SLC25A48: variants seen among roughly 807,000 people sequenced by gnomAD.
SLC25A48 encodes CTC-321K16.1.
Under a neutral mutation model 32.2 loss-of-function variants are expected in SLC25A48, and 29 were observed. The ratio of observed to expected loss-of-function variants is 0.90; its 90% CI spans 0.67 to 1.23. The LOEUF is 1.23. Among genes scored for constraint, SLC25A48 ranks in the 50% most tolerant of loss-of-function variants. The pLI is 0.00. For synonymous variants in SLC25A48, 164 were observed against 172.3 expected (o/e 0.95, Z 0.38); for missense variants, 399 against 422.7 (o/e 0.94, Z 0.49).
intron 2 of SLC25A48, among the ~76,000 whole-genome samples, chr5:135,849,176 A>G (rs1262731066): frequency 6.6e-6 from 1 of 152,078 alleles, no homozygotes; most frequent in African/African-American, 2.4e-5. Flanking sequence ...AACTATATGT[A>G]CTCTTCCAGG....
intron 4 of SLC25A48, among the ~76,000 whole-genome samples, chr5:135,857,794 G>C (rs1760456030): frequency 6.6e-6 from 1 of 152,216 alleles, no homozygotes; most frequent in African/African-American, 2.4e-5. Context: ...TGCCCAGGTA[G>C]TGCTGAGGGC....
Position 135,879,478 on chromosome 5 carries a change from C to T in SLC25A48, c.814-490C>T, listed in dbSNP as rs1762281581. ...CATGTCTGCAGAGTCTTAAGCACAG[C>T]TCGAGTTCTGTTCTCTGCCACTTTT... On this transcript the variant is annotated intron_variant, in intron 6 of 7. Coordinates refer to ENST00000681962, the MANE Select transcript of SLC25A48 (RefSeq NM_001349336.2). Among the ~76,000 whole-genome samples the T allele has an allele frequency of 2.0e-5, 3 of 152,058 alleles. No homozygotes were observed. The South Asian group carries it at 6.2e-4, about 32-fold the overall frequency.
rs775091968 is a variant in SLC25A48 at position 135,879,611 on chromosome 5, A to AGTGT, written c.814-328_814-325dup. ...GAGAGAGAGAGAGAGAGAGAGAGAG[A>AGTGT]GTGTGTGTGTGTGTGTGTGTGTGTG... is the stretch of plus-strand genomic sequence containing the variant. On this transcript the variant is annotated intron_variant, in intron 6 of 7. Transcript: ENST00000681962. 3.6e-3 allele frequency among the ~76,000 whole-genome samples: 434 copies of AGTGT among 119,492 alleles called. 7 individuals are homozygous for AGTGT. The highest frequency in any genetic ancestry group is 0.024 in the Admixed American group (283 of 11,832). 78.4% of individuals were successfully genotyped at this position (119,492 alleles called of 152,430 possible).
At chr5:135,592,819 A>G (rs1297257774) in intron 1 of SLC25A48, among the ~76,000 whole-genome samples, 1 of 152,200 alleles carries the variant, frequency 6.6e-6, no homozygotes, top group Non-Finnish European at 1.5e-5. Context: ...AAGAACAGAC[A>G]TCTGTGGCTT....
chr5:135,663,350 C>A (rs1454096050), intron 3 of SLC25A48, among the ~76,000 whole-genome samples: 1 of 152,136 alleles, frequency 6.6e-6, no homozygotes, highest in East Asian at 1.9e-4. Flanking sequence ...GTTGAGGGAG[C>A]CGTTTTGTGT....
At chr5:135,811,479 T>C (rs559481647) in intron 3 of SLC25A48, among the ~76,000 whole-genome samples, 2 of 152,298 alleles carry the variant, frequency 1.3e-5, no homozygotes, top group South Asian at 4.2e-4. Flanking sequence ...GAGGAATAAG[T>C]TCCAGAGATC....
chr5:135,732,372 C>A (rs1353383862), intron 3 of SLC25A48, among the ~76,000 whole-genome samples: 1 of 152,128 alleles, frequency 6.6e-6, no homozygotes, highest in African/African-American at 2.4e-5. Context: ...ACCACGGTGG[C>A]CTTCTGAGGC....
At chr5:135,660,089 T>G (rs1266698494) in intron 3 of SLC25A48, among the ~76,000 whole-genome samples, 3 of 152,214 alleles carry the variant, frequency 2.0e-5, no homozygotes, top group African/African-American at 7.2e-5. Flanking sequence ...TACATAAAAA[T>G]TGGCTCATCT....
chr5:135,663,697 C>A (rs1753457713), intron 3 of SLC25A48, among the ~76,000 whole-genome samples: 1 of 152,216 alleles, frequency 6.6e-6, no homozygotes, highest in African/African-American at 2.4e-5. Flanking sequence ...TTTCTGTGGG[C>A]TACTCTTGTG....
At chr5:135,795,262 C>T (rs1484192466) in intron 3 of SLC25A48, among the ~76,000 whole-genome samples, 1 of 151,790 alleles carries the variant, frequency 6.6e-6, no homozygotes, top group Non-Finnish European at 1.5e-5. Context: ...GTGTACACCC[C>T]ACCTTGTGAT....
At chr5:135,590,243 C>A (rs1219118822) in intron 1 of SLC25A48, among the ~76,000 whole-genome samples, 1 of 152,190 alleles carries the variant, frequency 6.6e-6, no homozygotes, top group Admixed American at 6.5e-5. Context: ...TGAACTGACT[C>A]CCAGGGAACT....
chr5:135,627,170 G>A (rs145363762), intron 1 of SLC25A48, among the ~76,000 whole-genome samples: 2 of 152,172 alleles, frequency 1.3e-5, no homozygotes. Flanking sequence ...GCCCCATGGG[G>A]TGGCTGACTG....
In SLC25A48 at chr5:135,874,791, T is replaced by C. The variant is rs140186227; in HGVS notation, c.813+637T>C. 4,693 of 658,158 alleles carry C rather than the reference T, an allele frequency of 7.1e-3. 27 individuals carry two copies. The highest frequency in any genetic ancestry group is 0.023 in the Middle Eastern group (96 of 4,170). 40.8% of individuals were successfully genotyped at this position (658,158 alleles called of 1,614,324 possible). ...TGCCCCAGGATAGACCAGACTTCCATGTCTGGTGTCCAAGGTAATACACAG... is the reference window on the plus strand; with the variant it reads ...TGCCCCAGGATAGACCAGACTTCCACGTCTGGTGTCCAAGGTAATACACAG... On this transcript the variant is annotated intron_variant, in intron 6 of 7. Coordinates refer to ENST00000681962, the MANE Select transcript of SLC25A48 (RefSeq NM_001349336.2).
chr5:135,749,066 C>G lies in SLC25A48; in HGVS notation c.-520-63457C>G, dbSNP rs182617325. ...CCATTTTGTTCTTCCTTCCTGATGT[C>G]CCTTAAGACATTTCCTGGCGGGCTC... On this transcript the variant is annotated intron_variant, in intron 3 of 10. Transcript: ENST00000646290. 2.8e-3 allele frequency among the ~76,000 whole-genome samples: 433 copies of G among 152,166 alleles called. 2 individuals carry two copies. The highest frequency in any genetic ancestry group is 4.2e-3 in the Non-Finnish European group (287 of 68,002).
intron 3 of SLC25A48, among the ~76,000 whole-genome samples, chr5:135,666,202 C>T (rs1046656654): frequency 4.6e-5 from 7 of 152,218 alleles, no homozygotes; most frequent in African/African-American, 1.7e-4. Context: ...AACTTCACGT[C>T]TCAGTGTCCC....
chr5:135,756,826 T>G (rs1187352192), intron 3 of SLC25A48, among the ~76,000 whole-genome samples: 1 of 151,776 alleles, frequency 6.6e-6, no homozygotes, highest in African/African-American at 2.4e-5. Flanking sequence ...TAGATGATAT[T>G]TATAATATCT....
chr5:135,586,705 G>A (rs1271389042), intron 1 of SLC25A48, among the ~76,000 whole-genome samples: 1 of 152,214 alleles, frequency 6.6e-6, no homozygotes, highest in Non-Finnish European at 1.5e-5. Context: ...GATGGGGAAG[G>A]TCAAGGAAAC....
intron 5 of SLC25A48, 114 bp downstream of exon 5, chr5:135,871,832 T>A (rs1174813388): frequency 6.5e-7 from 1 of 1,543,102 alleles, no homozygotes; most frequent in African/African-American, 1.4e-5. Context: ...ATTTAGGTAC[T>A]CACCCAACAA....
intron 3 of SLC25A48, among the ~76,000 whole-genome samples, chr5:135,767,629 G>T (rs939729266): frequency 6.7e-5 from 10 of 150,268 alleles, no homozygotes; most frequent in African/African-American, 2.5e-4. Context: ...GTGTACACCC[G>T]CCAGTAATAT....
Sources: allele counts gnomAD v4.1 joint callset (sites outside exome capture counted in the v4.1 genomes callset), GRCh38; gene constraint gnomAD v4.1.1; transcripts MANE v1.5; gene names NCBI Gene and HGNC (gene_info 2026-07-23, HGNC 2026-07-21).